The following CFAP47 variants were observed in gnomAD, a reference collection of about 807,000 sequenced individuals.
CFAP47 encodes the protein cilia- and flagella-associated protein 47.
CFAP47 carries 29 observed loss-of-function variants against 148.1 expected under a neutral mutation model. That is an observed-to-expected ratio of 0.20 (90% CI 0.15 to 0.27). The LOEUF (loss-of-function observed/expected upper bound fraction) is 0.27, where lower values mean the gene tolerates loss of function less well. Ranked by LOEUF, CFAP47 falls within the 10% of genes least tolerant of loss-of-function variation. CFAP47 has a pLI of 1.00. For synonymous variants in CFAP47, 664 were observed against 577.3 expected, an observed-to-expected ratio of 1.15 and a Z score of -2.15; for missense variants, 1,872 against 1,697.5, an observed-to-expected ratio of 1.10 and a Z score of -1.81.
rs368941497 is a variant in CFAP47, at chrX:36,104,505, G to T, written c.5134G>T (p.Val1712Phe). The change falls in exon 33 of 64, where the codon GTT becomes TTT. Residue 1712 changes from valine (V) to phenylalanine (F), a missense_variant. Coordinates refer to ENST00000378653, the MANE Select transcript of CFAP47 (RefSeq NM_001304548.2). ...TTATCTCTCCCAATTTCAGGTTTTG[G>T]TTCTATCCCGTGTAGTGCCATACTG... ...DVFLQIYKVL[V>F]LSRVVPYCSN... 7 of 833,105 alleles carry T rather than the reference G, an allele frequency of 8.4e-6. No homozygotes were observed. Among genetic ancestry groups the T allele is most frequent in the Non-Finnish European group, 1.1e-5 (7 of 618,046 alleles). The allele number at this position is 833,105 out of a possible 1,213,427, so 68.7% of individuals were successfully genotyped here.
rs962887118 is a variant in CFAP47 at position 36,352,483 on chromosome X, A to G, written c.8699-1046A>G. On this transcript the variant is annotated intron_variant, in intron 59 of 63. Coordinates refer to ENST00000378653, the MANE Select transcript of CFAP47 (RefSeq NM_001304548.2). ...TGTGAAAACACATACATCTGAGGACATCATCTAATTTTGTAGTTTGTGTGA... is the reference window on the plus strand; with the variant it reads ...TGTGAAAACACATACATCTGAGGACGTCATCTAATTTTGTAGTTTGTGTGA... Among the ~76,000 whole-genome samples, 5 of 111,123 alleles carry G rather than the reference A, an allele frequency of 4.5e-5. No individual in the cohort carries two copies. The East Asian group carries it at 1.4e-3, about 31-fold the overall frequency.
Position 36,010,527 on chromosome X carries a change from G to A in CFAP47, c.3418-4247G>A, listed in dbSNP as rs745993047. 5.7e-5 allele frequency among the ~76,000 whole-genome samples: 6 copies of A among 105,151 alleles called. No homozygotes were observed. The South Asian group carries it at 1.4e-3, about 24-fold the overall frequency. 91.3% of individuals were successfully genotyped at this position (105,151 alleles called of 115,157 possible). On this transcript the variant is annotated intron_variant, in intron 21 of 63. Coordinates refer to ENST00000378653, the MANE Select transcript of CFAP47 (RefSeq NM_001304548.2). ...GGCTGGAGTGCAGTGGCATGATCTC[G>A]GCTCACTGCAAGCTCCGCCTCCCGG...
intron 25 of CFAP47, among the ~76,000 whole-genome samples, 198 bp from the exon 26 acceptor site, chrX:36,046,656 G>C (rs1339199075): frequency 9.0e-6 from 1 of 110,986 alleles, no homozygotes; most frequent in Non-Finnish European, 1.9e-5. Flanking sequence ...CATCTCAAGT[G>C]GTTCTTAGTT....
intron 23 of CFAP47, among the ~76,000 whole-genome samples, chrX:36,032,695 C>T (rs1349456939): frequency 9.0e-6 from 1 of 111,053 alleles, no homozygotes; most frequent in African/African-American, 3.3e-5. Context: ...CCATAAAATA[C>T]TCATGCTGCA....
chrX:36,336,997 G>A (rs1419867137), intron 57 of CFAP47, among the ~76,000 whole-genome samples: 2 of 111,596 alleles, frequency 1.8e-5, no homozygotes, highest in Admixed American at 9.5e-5. Context: ...TCCCTATTAC[G>A]TCAAATATTC....
In CFAP47 at chrX:35,966,565, G is replaced by C; in HGVS notation, c.1411G>C (p.Asp471His). ...GTTACTTTTCATCTTTTTTTTTTAGGATGTGATGTGTTCATTTGTTCCACA... is the reference window on the plus strand; with the variant it reads ...GTTACTTTTCATCTTTTTTTTTTAGCATGTGATGTGTTCATTTGTTCCACA... ...KGKITGGGMV[D>H]VMCSFVPHQL... is the part of the protein sequence containing the mutation. Residue 471 changes from aspartate (D) to histidine (H), a missense_variant and splice_region_variant, in exon 9 of 64, where the codon GAT becomes CAT. By Grantham distance (81) the Asp-to-His change is moderately conservative. Coordinates refer to ENST00000378653, the MANE Select transcript of CFAP47 (RefSeq NM_001304548.2). The C allele has an allele frequency of 9.8e-7, 1 of 1,021,964 alleles. No individual in the cohort carries two copies. The allele number at this position is 1,021,964 out of a possible 1,213,427, so 84.2% of individuals were successfully genotyped here.
chrX:36,085,656 C>G, intron 30 of CFAP47, 118 bp downstream of exon 30: 1 of 350,373 alleles, frequency 2.9e-6, no homozygotes. Flanking sequence ...CACACACACA[C>G]ACACACACAC....
intron 56 of CFAP47, among the ~76,000 whole-genome samples, chrX:36,315,637 A>C (rs1569315858): frequency 8.9e-6 from 1 of 111,776 alleles, no homozygotes; most frequent in Non-Finnish European, 1.9e-5. Context: ...AACACCTGTA[A>C]CTCTTGGATA....
intron 30 of CFAP47, among the ~76,000 whole-genome samples, chrX:36,092,269 A>G (rs1938198689): frequency 9.0e-6 from 1 of 111,655 alleles, no homozygotes; most frequent in African/African-American, 3.2e-5. Context: ...TTTAGAATAA[A>G]TAGATAATGA....
At chrX:36,177,825 T>A (rs775078427) in intron 39 of CFAP47, among the ~76,000 whole-genome samples, 1 of 111,917 alleles carries the variant, frequency 8.9e-6, no homozygotes, top group East Asian at 2.8e-4. Context: ...GCAATCGTAA[T>A]AGTGGGTATA....
At chrX:36,329,283 TC>T (rs782324348) in intron 57 of CFAP47, among the ~76,000 whole-genome samples, 14 of 111,504 alleles carry the variant, frequency 1.3e-4, no homozygotes, top group Non-Finnish European at 2.4e-4. Flanking sequence ...GATAATATTC[TC>T]CAAAATATAT....
intron 25 of CFAP47, among the ~76,000 whole-genome samples, chrX:36,040,236 C>T (rs1447392895): frequency 4.5e-5 from 5 of 111,792 alleles, no homozygotes; most frequent in African/African-American, 1.3e-4. Context: ...ATATAAAAGT[C>T]ATCAAATAAT....
chrX:36,013,564 A>C (rs1937064405), intron 21 of CFAP47, among the ~76,000 whole-genome samples: 1 of 111,552 alleles, frequency 9.0e-6, no homozygotes, highest in Admixed American at 9.5e-5. Context: ...GAAGGGTACT[A>C]GGTGAATGAG....
At chrX:35,975,054 T>A in intron 13 of CFAP47, 93 bp from the exon 14 acceptor site, 1 of 490,747 alleles carries the variant, frequency 2.0e-6, no homozygotes, top group Non-Finnish European at 3.2e-6. Flanking sequence ...TTTATACAAA[T>A]TGGTTGATCA....
chrX:36,338,013 G>A (rs1282496495), intron 57 of CFAP47, among the ~76,000 whole-genome samples: 1 of 102,220 alleles, frequency 9.8e-6, no homozygotes, highest in Non-Finnish European at 2.0e-5. Flanking sequence ...GGGACTACAG[G>A]CGCCCGCCAC....
At chrX:36,123,900 C>G (rs757228131) in intron 33 of CFAP47, among the ~76,000 whole-genome samples, 1 of 111,499 alleles carries the variant, frequency 9.0e-6, no homozygotes, top group Non-Finnish European at 1.9e-5. Flanking sequence ...CTGAGTCTCA[C>G]CTGAATCCAG....
chrX:36,201,843 G>C (rs1446002896), intron 44 of CFAP47, among the ~76,000 whole-genome samples: 2 of 110,393 alleles, frequency 1.8e-5, no homozygotes, highest in Non-Finnish European at 3.8e-5. Flanking sequence ...GAATCACTAG[G>C]AGGGGGTGGG....
chrX:36,241,927 G>T (rs185893136), intron 48 of CFAP47, among the ~76,000 whole-genome samples: 4 of 111,726 alleles, frequency 3.6e-5, no homozygotes, highest in Admixed American at 2.8e-4. Flanking sequence ...TCGACCTGGT[G>T]AGAGTGTCAT....
At chrX:36,062,595 G>A (rs568146408) in intron 26 of CFAP47, among the ~76,000 whole-genome samples, 2 of 111,317 alleles carry the variant, frequency 1.8e-5, no homozygotes, top group African/African-American at 6.5e-5. Flanking sequence ...GGAAAAGGAT[G>A]TACACATGGT....
Sources: gnomAD v4.1 joint callset for allele counts (sites outside exome capture counted in the v4.1 genomes callset) on GRCh38, gnomAD v4.1.1 for gene constraint, MANE v1.5 for transcripts, NCBI Gene and HGNC (gene_info 2026-07-23, HGNC 2026-07-21) for gene names.